GABBR1: variants seen among roughly 807,000 people sequenced by gnomAD.
GABBR1 encodes GABA-B receptor, R1 subunit.
GABBR1 carries 35 observed loss-of-function variants against 117.7 expected under a neutral mutation model. The observed-to-expected ratio is 0.30, with a 90% confidence interval of 0.23 to 0.39. The LOEUF (loss-of-function observed/expected upper bound fraction) is 0.39. Among genes scored for constraint, GABBR1 ranks in the 10% least tolerant of loss-of-function variants. The pLI, the probability that GABBR1 is intolerant of heterozygous loss-of-function variation, is 1.00. For synonymous variants in GABBR1, 442 were observed against 486.6 expected (o/e 0.91, Z 1.21); for missense variants, 709 against 1,241.8 (o/e 0.57, Z 6.45).
At position 29,623,180 on chromosome 6, in the gene GABBR1, C is replaced by G. The variant is rs1219006089; in HGVS notation, c.963+125G>C. On this transcript the variant is annotated intron_variant, in intron 8 of 22. Coordinates refer to ENST00000377034, the MANE Select transcript of GABBR1 (RefSeq NM_001470.4). This position sits in a 1 kb window ranked among gnomAD's most constrained non-coding sequence, Gnocchi z 6.2. ...TACAGAAAGAACTGCACTTAATCCA[C>G]ATGGAATGCGTTCTCTTTCAATGAA... is the stretch of plus-strand genomic sequence containing the variant. 4.8e-6 allele frequency: 4 copies of G among 831,982 alleles called. No homozygotes were observed. The highest frequency in any genetic ancestry group is 7.5e-6 in the Non-Finnish European group (4 of 531,070). 51.5% of individuals were successfully genotyped at this position (831,982 alleles called of 1,614,324 possible).
At position 29,632,221 on chromosome 6, in the gene GABBR1, G is replaced by A. The variant is rs1034494226; in HGVS notation, c.85+80C>T. ...TGATATGTGGGACTGATGGGATAGT[G>A]ATGAGGACCAGAAATGAGGAGATGC... On this transcript the variant is annotated intron_variant, in intron 2 of 22. Transcript: ENST00000377034. This position sits in a 1 kb window ranked among gnomAD's most constrained non-coding sequence, Gnocchi z 5.8. 7.4e-5 allele frequency: 65 copies of A among 874,818 alleles called. No homozygotes were observed. In the Admixed American group the frequency reaches 2.4e-3, roughly 32 times the overall value. The allele number at this position is 874,818 out of a possible 1,614,324, so 54.2% of individuals were successfully genotyped here. A position where few individuals can be genotyped will look rare whatever the true frequency, so the allele number is the denominator to read the frequency against.
chr6:29,621,713 T>G lies in GABBR1; in HGVS notation c.1131+39A>C, dbSNP rs768148189. On this transcript the variant is annotated intron_variant, in intron 10 of 22. Coordinates refer to ENST00000377034, the MANE Select transcript of GABBR1 (RefSeq NM_001470.4). This position sits in a 1 kb window ranked among gnomAD's most constrained non-coding sequence, Gnocchi z 5.0. ...GCCCCACAAGAAAACCAAGGGAAAC[T>G]CCCACCCAGTGCCCCTCCCTCTTCA... is the stretch of plus-strand genomic sequence containing the variant. 1.6e-5 allele frequency: 26 copies of G among 1,584,694 alleles called. No homozygotes were observed. Among genetic ancestry groups the G allele is most frequent in the Non-Finnish European group, 2.2e-5 (25 of 1,153,566 alleles).
chr6:29,630,774 AT>A lies in GABBR1; in HGVS notation c.290-132del. ...CTAAAGAAAATCACATGTGAAAAGG[AT>A]TTGCCTACCTATCTTCCAATCCTCC... On this transcript the variant is annotated intron_variant, in intron 3 of 22. Coordinates refer to ENST00000377034, the MANE Select transcript of GABBR1 (RefSeq NM_001470.4). The surrounding 1 kb of genome is among the most constrained non-coding windows in gnomAD (Gnocchi z 4.9). 1.4e-6 allele frequency: 1 copy of A among 691,384 alleles called. No individual in the cohort carries two copies. The highest frequency in any genetic ancestry group is 2.4e-6 in the Non-Finnish European group (1 of 419,850). 42.8% of individuals were successfully genotyped at this position (691,384 alleles called of 1,614,324 possible).
chr6:29,627,992 G>A lies in GABBR1; in HGVS notation c.497-346C>T. 2.2e-6 allele frequency: 3 copies of A among 1,341,112 alleles called. No homozygotes were observed. The highest frequency in any genetic ancestry group is 1.9e-6 in the Non-Finnish European group (2 of 1,055,354). 83.1% of individuals were successfully genotyped at this position (1,341,112 alleles called of 1,614,324 possible). A position where few individuals can be genotyped will look rare whatever the true frequency, so the allele number is the denominator to read the frequency against. On this transcript the variant is annotated intron_variant, in intron 5 of 22. Transcript: ENST00000377034. This position sits in a 1 kb window ranked among gnomAD's most constrained non-coding sequence, Gnocchi z 4.4. ...CTCTCGCCACCGTCGCCGCCACCGC[G>A]GACTCTCCTCGCGGACTGACTGACC...
chr6:29,603,732 C>A lies in GABBR1; in HGVS notation c.2713-16G>T. 6.8e-7 allele frequency: 1 copy of A among 1,461,918 alleles called. No homozygotes were observed. The highest frequency in any genetic ancestry group is 9.0e-7 in the Non-Finnish European group (1 of 1,108,578). The allele number at this position is 1,461,918 out of a possible 1,614,324, so 90.6% of individuals were successfully genotyped here. ...GCTCCTCTTTCTGGAGGAAGAAGCA[C>A]AATTGGGATAGTAGGAGAAGAGGAG... is the stretch of plus-strand genomic sequence containing the variant. On this transcript the variant is annotated splice_polypyrimidine_tract_variant and intron_variant, in intron 22 of 22. Transcript: ENST00000377034.
At position 29,620,022 on chromosome 6, in the gene GABBR1, A is replaced by G. The variant is rs1335773579; in HGVS notation, c.1323+1079T>C. Reference sequence around the variant, plus strand: ...CAATTGCCAGTAGCTAAACAGTGTTAGCAGATAAAAGTACAAACTTTTTAG... The same window carrying G: ...CAATTGCCAGTAGCTAAACAGTGTTGGCAGATAAAAGTACAAACTTTTTAG... On this transcript the variant is annotated intron_variant, in intron 11 of 22. Transcript: ENST00000377034. The surrounding 1 kb of genome is among the most constrained non-coding windows in gnomAD (Gnocchi z 4.5). Among the ~76,000 whole-genome samples, 2 of 152,240 alleles carry G rather than the reference A, an allele frequency of 1.3e-5. No homozygotes were observed. Among genetic ancestry groups the G allele is most frequent in the Non-Finnish European group, 2.9e-5 (2 of 68,044 alleles).
At chr6:29,628,949 G>T (rs1223932305) in intron 5 of GABBR1, 138 bp downstream of exon 5, 12 of 899,946 alleles carry the variant, frequency 1.3e-5, no homozygotes, top group Non-Finnish European at 2.2e-5. Context: ...GGAAGGGGGT[G>T]GCCGCAAACT....
Position 29,623,817 on chromosome 6 carries a change from C to T in GABBR1, c.792+73G>A. 2 of 1,522,424 alleles carry T rather than the reference C, an allele frequency of 1.3e-6. No individual in the cohort carries two copies. The highest frequency in any genetic ancestry group is 1.8e-6 in the Non-Finnish European group (2 of 1,122,012). The allele number at this position is 1,522,424 out of a possible 1,614,324, so 94.3% of individuals were successfully genotyped here. ...CACACTCCTTTTCAATACAAACCCA[C>T]AATCGCCATCGTCCCTTCAGTAGAG... On this transcript the variant is annotated intron_variant, in intron 7 of 22. Coordinates refer to ENST00000377034, the MANE Select transcript of GABBR1 (RefSeq NM_001470.4). This position sits in a 1 kb window ranked among gnomAD's most constrained non-coding sequence, Gnocchi z 6.2.
rs1238444037 is a variant in GABBR1 at position 29,632,509 on chromosome 6, GAGCGCCCCGCGGAGGAGGCGGGGGC to G, written c.1-149_1-125del. 11 of 985,136 alleles carry G rather than the reference GAGCGCCCCGCGGAGGAGGCGGGGGC, an allele frequency of 1.1e-5. No individual in the cohort carries two copies. Among genetic ancestry groups the G allele is most frequent in the African/African-American group, 1.0e-4 (6 of 57,902 alleles). 61.0% of individuals were successfully genotyped at this position (985,136 alleles called of 1,614,324 possible). A position where few individuals can be genotyped will look rare whatever the true frequency, so the allele number is the denominator to read the frequency against. The stretch of plus-strand genomic sequence containing the variant: ...ACCGGGCTCAGCCTGGGGACCAAGA[GAGCGCCCCGCGGAGGAGGCGGGGGC>G]GGAGCCCCGCGCGGGGTGGGGGGAG... On this transcript the variant is annotated intron_variant, in intron 1 of 22. Coordinates refer to ENST00000377034, the MANE Select transcript of GABBR1 (RefSeq NM_001470.4). This position sits in a 1 kb window ranked among gnomAD's most constrained non-coding sequence, Gnocchi z 5.8.
Position 29,607,306 on chromosome 6 carries a change from G to A in GABBR1, c.1993-88C>T. On this transcript the variant is annotated intron_variant, in intron 16 of 22. Coordinates refer to ENST00000377034, the MANE Select transcript of GABBR1 (RefSeq NM_001470.4). This position sits in a 1 kb window ranked among gnomAD's most constrained non-coding sequence, Gnocchi z 5.0. ...ATGGGCAGAACCCTAAGGGAGAGTG[G>A]GCAGGGAGCACGGGCAGGGAGCTCA... 1 of 1,052,732 alleles carries A rather than the reference G, an allele frequency of 9.5e-7. No individual in the cohort carries two copies. Among genetic ancestry groups the A allele is most frequent in the Non-Finnish European group, 1.5e-6 (1 of 682,376 alleles). 65.2% of individuals were successfully genotyped at this position (1,052,732 alleles called of 1,614,324 possible).
chr6:29,620,860 C>T lies in GABBR1; in HGVS notation c.1323+241G>A, dbSNP rs1368223318. On this transcript the variant is annotated intron_variant, in intron 11 of 22. Transcript: ENST00000377034. The surrounding 1 kb of genome is among the most constrained non-coding windows in gnomAD (Gnocchi z 4.5). ...CCATGGTAACAGCCCTTCCACTCATCAGGAACCTACTGAACATACAACTCC... is the reference window on the plus strand; with the variant it reads ...CCATGGTAACAGCCCTTCCACTCATTAGGAACCTACTGAACATACAACTCC... Among the ~76,000 whole-genome samples the T allele has an allele frequency of 1.3e-5, 2 of 151,916 alleles. No homozygotes were observed. The highest frequency in any genetic ancestry group is 2.9e-5 in the Non-Finnish European group (2 of 67,990).
chr6:29,607,250 G>C lies in GABBR1; in HGVS notation c.1993-32C>G. The C allele has an allele frequency of 6.4e-7, 1 of 1,556,338 alleles. No individual in the cohort carries two copies. Among genetic ancestry groups the C allele is most frequent in the Non-Finnish European group, 8.9e-7 (1 of 1,128,364 alleles). ...AGGAAGAGAGGGCACAGGCAGAACA[G>C]GGTAGAGTAGTAGCCGGGACTGCAG... On this transcript the variant is annotated intron_variant, in intron 16 of 22. Transcript: ENST00000377034. This position sits in a 1 kb window ranked among gnomAD's most constrained non-coding sequence, Gnocchi z 5.0.
intron 13 of GABBR1, among the ~76,000 whole-genome samples, chr6:29,612,270 C>A (rs1762625271): frequency 6.6e-6 from 1 of 151,978 alleles, no homozygotes; most frequent in Non-Finnish European, 1.5e-5. Context: ...CTGCCTTGGC[C>A]TCCCAAAAGT....
At position 29,621,182 on chromosome 6, in the gene GABBR1, C is replaced by T. The variant is rs767992128; in HGVS notation, c.1242G>A (p.Glu414=). The change falls in exon 11 of 23, where the codon GAG becomes GAA. Residue 414 remains glutamate, a synonymous_variant. Coordinates refer to ENST00000377034, the MANE Select transcript of GABBR1 (RefSeq NM_001470.4). The surrounding 1 kb of genome is among the most constrained non-coding windows in gnomAD (Gnocchi z 5.0). ...TGTGGCCCTCCACCGCCTCAGTCAT[C>T]TCATCCACTGTGCAGTTGATAGAAG... ...YDPSINCTVD[E]MTEAVEGHIT... 1 of 1,612,986 alleles carries T rather than the reference C, an allele frequency of 6.2e-7. No homozygotes were observed. The highest frequency in any genetic ancestry group is 1.1e-5 in the South Asian group (1 of 91,082).
chr6:29,624,127 A>G, intron 6 of GABBR1, 103 bp from the exon 7 acceptor site: 1 of 1,140,168 alleles, frequency 8.8e-7, no homozygotes, highest in South Asian at 2.1e-5. Context: ...TTTCTCAATT[A>G]CTCACTTTCA....
In GABBR1 at chr6:29,632,754, G is replaced by A; in HGVS notation, c.-1+96C>T. 2 of 765,692 alleles carry A rather than the reference G, an allele frequency of 2.6e-6. No individual in the cohort carries two copies. The highest frequency in any genetic ancestry group is 3.1e-6 in the Non-Finnish European group (2 of 638,340). The allele number at this position is 765,692 out of a possible 1,614,324, so 47.4% of individuals were successfully genotyped here. A position where few individuals can be genotyped will look rare whatever the true frequency, so the allele number is the denominator to read the frequency against. The stretch of plus-strand genomic sequence containing the variant: ...GCGGTTCCTCCTCTCCCCCAGCCCC[G>A]CTTCCCCCAGCTGGGCCCTGCGCCC... On this transcript the variant is annotated intron_variant, in intron 1 of 22. Coordinates refer to ENST00000377034, the MANE Select transcript of GABBR1 (RefSeq NM_001470.4). The surrounding 1 kb of genome is among the most constrained non-coding windows in gnomAD (Gnocchi z 5.8).
chr6:29,605,138 T>C lies in GABBR1; in HGVS notation c.2440-150A>G, dbSNP rs749472914. 1.1e-5 allele frequency: 9 copies of C among 847,142 alleles called. No individual in the cohort carries two copies. Among genetic ancestry groups the C allele is most frequent in the African/African-American group, 1.7e-5 (1 of 58,380 alleles). The allele number at this position is 847,142 out of a possible 1,614,324, so 52.5% of individuals were successfully genotyped here. A position where few individuals can be genotyped will look rare whatever the true frequency, so the allele number is the denominator to read the frequency against. ...CCAAATTCAGGATCATCCTCAAATA[T>C]AGATTGAGAAAAATCTCAAACTGTC... On this transcript the variant is annotated intron_variant, in intron 20 of 22. Coordinates refer to ENST00000377034, the MANE Select transcript of GABBR1 (RefSeq NM_001470.4). This position sits in a 1 kb window ranked among gnomAD's most constrained non-coding sequence, Gnocchi z 4.2.
In GABBR1 at chr6:29,604,913, G is replaced by A; in HGVS notation, c.2515C>T (p.Leu839Phe). 1 of 1,613,168 alleles carries A rather than the reference G, an allele frequency of 6.2e-7. No homozygotes were observed. Among genetic ancestry groups the A allele is most frequent in the Non-Finnish European group, 8.5e-7 (1 of 1,180,004 alleles). Residue 839 changes from leucine (L) to phenylalanine (F), a missense_variant, in exon 21 of 23, where the codon CTT becomes TTT. Leu to Phe is a conservative substitution (Grantham distance 22). Coordinates refer to ENST00000377034, the MANE Select transcript of GABBR1 (RefSeq NM_001470.4). The surrounding 1 kb of genome is among the most constrained non-coding windows in gnomAD (Gnocchi z 5.3). ...QQDAAFAFAS[L>F]AIVFSSYITL... ...ATATAGGAGGAGAAAACTATGGCAA[G>A]AGAGGCAAAGGCAAAGGCTGCATCC...
chr6:29,632,519 C>G lies in GABBR1; in HGVS notation c.1-134G>C. On this transcript the variant is annotated intron_variant, in intron 1 of 22. Transcript: ENST00000377034. The surrounding 1 kb of genome is among the most constrained non-coding windows in gnomAD (Gnocchi z 5.8). ...GCCTGGGGACCAAGAGAGCGCCCCG[C>G]GGAGGAGGCGGGGGCGGAGCCCCGC... 1 of 940,042 alleles carries G rather than the reference C, an allele frequency of 1.1e-6. No homozygotes were observed. Among genetic ancestry groups the G allele is most frequent in the Non-Finnish European group, 1.5e-6 (1 of 677,366 alleles). The allele number at this position is 940,042 out of a possible 1,614,324, so 58.2% of individuals were successfully genotyped here. A position where few individuals can be genotyped will look rare whatever the true frequency, so the allele number is the denominator to read the frequency against.
Sources: allele counts gnomAD v4.1 joint callset (sites outside exome capture counted in the v4.1 genomes callset), GRCh38; gene constraint gnomAD v4.1.1; non-coding constraint Gnocchi (gnomAD v3.1); transcripts MANE v1.5; gene names NCBI Gene and HGNC (gene_info 2026-07-23, HGNC 2026-07-21).